Variants in PUDP observed in about 807,000 individuals in gnomAD.
PUDP encodes pseudouridine-5'-phosphatase.
Under a neutral mutation model 9.4 loss-of-function variants are expected in PUDP, and 8 were observed. The ratio of observed to expected loss-of-function variants is 0.85; its 90% CI spans 0.50 to 1.53. The LOEUF (loss-of-function observed/expected upper bound fraction) is 1.53. Among genes scored for constraint, PUDP ranks in the 40% most tolerant of loss-of-function variants. The pLI is 0.00. For missense variants in PUDP, 188 were observed against 189.7 expected, an observed-to-expected ratio of 0.99 and a Z score of 0.05; for synonymous variants, 99 against 80.7, an observed-to-expected ratio of 1.23 and a Z score of -1.22.
intron 3 of PUDP, among the ~76,000 whole-genome samples, chrX:6,829,497 A>G (rs138360637): frequency 0.015 from 1,714 of 111,890 alleles, 22 homozygotes; most frequent in African/African-American, 0.052. Context: ...CCCACCATCA[A>G]TGAATGAAAG....
chrX:6,802,938 A>T (rs1215679572), intron 3 of PUDP, among the ~76,000 whole-genome samples: 27 of 5,498 alleles, frequency 4.9e-3, no homozygotes, highest in African/African-American at 0.026. Context: ...TAAAATAATA[A>T]AATAAAATAA....
At chrX:6,979,646 A>G (rs1236561711) in intron 1 of PUDP, among the ~76,000 whole-genome samples, 1 of 111,928 alleles carries the variant, frequency 8.9e-6, no homozygotes, top group Non-Finnish European at 1.9e-5. Flanking sequence ...AGAGACGGAT[A>G]ATTGATGCTA....
At chrX:6,802,552 G>A (rs964679042) in intron 3 of PUDP, among the ~76,000 whole-genome samples, 2 of 111,134 alleles carry the variant, frequency 1.8e-5, no homozygotes, top group Non-Finnish European at 3.8e-5. Context: ...AGAGAGAATA[G>A]ATGAGGGGGT....
chrX:7,026,752 C>T (rs1409574584), intron 1 of PUDP, among the ~76,000 whole-genome samples: 1 of 111,911 alleles, frequency 8.9e-6, no homozygotes, highest in Non-Finnish European at 1.9e-5. Flanking sequence ...GTTGCATAGA[C>T]CCCCCTCCCA....
At chrX:6,836,552 G>T (rs1269116704) in intron 3 of PUDP, among the ~76,000 whole-genome samples, 2 of 112,109 alleles carry the variant, frequency 1.8e-5, no homozygotes, top group Admixed American at 1.9e-4. Context: ...GAACTGCAAG[G>T]AATAAATTCT....
At chrX:6,946,359 C>T (rs751769863) in intron 3 of PUDP, among the ~76,000 whole-genome samples, 1 of 111,909 alleles carries the variant, frequency 8.9e-6, no homozygotes, top group African/African-American at 3.2e-5. Context: ...AACCACCCTG[C>T]TCAGCATAAA....
At chrX:6,974,648 C>T (rs1054680665) in intron 3 of PUDP, among the ~76,000 whole-genome samples, 7 of 110,350 alleles carry the variant, frequency 6.3e-5, no homozygotes, top group African/African-American at 2.4e-4. Context: ...TTAACATTTT[C>T]TCCTTCATTT....
chrX:6,932,973 G>C (rs769446875), intron 3 of PUDP, among the ~76,000 whole-genome samples: 1,366 of 109,739 alleles, frequency 0.012, 21 homozygotes, highest in African/African-American at 0.039. Flanking sequence ...CGGGAAGCTC[G>C]AACTGGGTGG....
chrX:7,142,738 G>A (rs1185627194), intron 1 of PUDP, among the ~76,000 whole-genome samples: 4 of 100,657 alleles, frequency 4.0e-5, no homozygotes, highest in African/African-American at 1.1e-4. Context: ...TCAGCCTCCC[G>A]GGTTCAAGTG....
chrX:6,926,567 T>A lies in PUDP; in HGVS notation c.*247+50566A>T, dbSNP rs750955968. Among the ~76,000 whole-genome samples the A allele has an allele frequency of 3.6e-5, 4 of 112,121 alleles. No homozygotes were observed. The South Asian group carries it at 1.5e-3, about 41-fold the overall frequency. ...AAAAATGAGGCAGCTCCGCACTAAT[T>A]CAGTTTAATTAATGCCATCCTGTTC... is the stretch of plus-strand genomic sequence containing the variant. On this transcript the variant is annotated intron_variant and NMD_transcript_variant, in intron 3 of 3. Transcript: ENST00000655425.
chrX:7,111,441 G>C (rs1458851129), intron 1 of PUDP, among the ~76,000 whole-genome samples: 7 of 95,715 alleles, frequency 7.3e-5, no homozygotes, highest in African/African-American at 1.2e-4. Flanking sequence ...ATGTTTATTG[G>C]AGAAATGTAT....
chrX:6,766,277 A>T (rs1925284557), intron 3 of PUDP, among the ~76,000 whole-genome samples: 1 of 112,151 alleles, frequency 8.9e-6, no homozygotes, highest in Non-Finnish European at 1.9e-5. Context: ...ATAACAGAAT[A>T]AATCTTGGAG....
At chrX:6,863,989 G>A (rs190962674) in intron 3 of PUDP, among the ~76,000 whole-genome samples, 8 of 111,006 alleles carry the variant, frequency 7.2e-5, no homozygotes, top group African/African-American at 2.6e-4. Flanking sequence ...GATAGAGTGG[G>A]GTCTGTTTTG....
At chrX:6,921,436 T>C (rs1355758828) in intron 3 of PUDP, among the ~76,000 whole-genome samples, 1 of 110,998 alleles carries the variant, frequency 9.0e-6, no homozygotes, top group Non-Finnish European at 1.9e-5. Flanking sequence ...TTGTTGTTGG[T>C]GTCTTTTGAC....
chrX:6,918,432 T>C (rs1927968258), intron 3 of PUDP, among the ~76,000 whole-genome samples: 1 of 109,938 alleles, frequency 9.1e-6, no homozygotes, highest in Non-Finnish European at 1.9e-5. Flanking sequence ...GTGAAAATCA[T>C]CTATCATGAG....
chrX:6,774,178 C>G (rs888428336), intron 3 of PUDP, among the ~76,000 whole-genome samples: 4 of 112,005 alleles, frequency 3.6e-5, no homozygotes, highest in Non-Finnish European at 7.5e-5. Context: ...GTGACACTCT[C>G]TGCCTACAGT....
chrX:7,105,046 G>C (rs1314553521), intron 2 of PUDP, among the ~76,000 whole-genome samples: 3 of 111,398 alleles, frequency 2.7e-5, no homozygotes, highest in African/African-American at 9.8e-5. Context: ...AGCCCGTTCT[G>C]ATTGAATGTC....
chrX:6,922,192 A>G (rs188661386), intron 3 of PUDP, among the ~76,000 whole-genome samples: 1 of 111,662 alleles, frequency 9.0e-6, no homozygotes, highest in East Asian at 2.8e-4. Context: ...CTATGTGATA[A>G]CACAGTAGAA....
intron 3 of PUDP, among the ~76,000 whole-genome samples, chrX:6,829,180 G>A (rs1190548899): frequency 9.0e-6 from 1 of 111,396 alleles, no homozygotes; most frequent in Non-Finnish European, 1.9e-5. Context: ...CCAGGACTGT[G>A]AGCAATAAAT....
Sources: gnomAD v4.1 joint callset for allele counts (sites outside exome capture counted in the v4.1 genomes callset) on GRCh38, gnomAD v4.1.1 for gene constraint, MANE v1.5 for transcripts, NCBI Gene and HGNC (gene_info 2026-07-23, HGNC 2026-07-21) for gene names.